The following COL23A1 variants were observed in gnomAD, a reference collection of about 807,000 sequenced individuals.
COL23A1 encodes the protein collagen type XXIII alpha 1 chain.
Under a neutral mutation model 99.3 loss-of-function variants are expected in COL23A1, and 97 were observed. That is an observed-to-expected ratio of 0.98 (90% CI 0.83 to 1.16). COL23A1 has a LOEUF of 1.16. Among genes scored for constraint, COL23A1 ranks in the 50% most tolerant of loss-of-function variants. The pLI is 0.00. For missense variants in COL23A1, 762 were observed against 757.4 expected, an observed-to-expected ratio of 1.01 and a Z score of -0.07; for synonymous variants, 320 against 308.2, an observed-to-expected ratio of 1.04 and a Z score of -0.40.
At position 178,281,861 on chromosome 5, in the gene COL23A1, G is replaced by A. The variant is rs2973767; in HGVS notation, c.441+6463C>T. On this transcript the variant is annotated intron_variant, in intron 5 of 28. Coordinates refer to ENST00000390654, the MANE Select transcript of COL23A1 (RefSeq NM_173465.4). This position sits in a 1 kb window ranked among gnomAD's most constrained non-coding sequence, Gnocchi z 4.0. ...GCTCAGGAGTTTGAGACCAGCCTGT[G>A]CAACATGGCAAAACCCTGTGTCTAT... 0.59 allele frequency among the ~76,000 whole-genome samples: 88,903 copies of A among 151,400 alleles called. 28,313 individuals are homozygous for A. The highest frequency in any genetic ancestry group is 0.74 in the Non-Finnish European group (49,902 of 67,830).
intron 2 of COL23A1, among the ~76,000 whole-genome samples, chr5:178,373,644 G>A (rs1465807606): frequency 6.6e-6 from 1 of 152,112 alleles, no homozygotes; most frequent in Admixed American, 6.5e-5. Context: ...ACAAACTCCT[G>A]ACCTCAGGTG....
At chr5:178,537,406 C>T (rs987678567) in intron 2 of COL23A1, among the ~76,000 whole-genome samples, 10 of 152,172 alleles carry the variant, frequency 6.6e-5, no homozygotes, top group Non-Finnish European at 1.2e-4. Flanking sequence ...AAACCGAGGC[C>T]GGGTGGGGCT....
At chr5:178,518,926 GGGCGGC>G in intron 2 of COL23A1, among the ~76,000 whole-genome samples, 1 of 93,390 alleles carries the variant, frequency 1.1e-5, no homozygotes, top group Admixed American at 1.1e-4. Context: ...CCCGGCGGTC[GGGCGGC>G]GGCGGCTGCG....
intron 5 of COL23A1, among the ~76,000 whole-genome samples, chr5:178,278,637 C>T (rs952824979): frequency 6.6e-6 from 1 of 152,092 alleles, no homozygotes; most frequent in Non-Finnish European, 1.5e-5. Context: ...TCTCTCCAGT[C>T]CTCCCACCCT....
At chr5:178,388,189 T>C (rs1763774371) in intron 2 of COL23A1, among the ~76,000 whole-genome samples, 1 of 152,196 alleles carries the variant, frequency 6.6e-6, no homozygotes, top group Admixed American at 6.5e-5. Context: ...ACTCCTGAAA[T>C]GTAAGTCTCC....
At chr5:178,249,798 C>G (rs1764933407) in intron 18 of COL23A1, among the ~76,000 whole-genome samples, 1 of 148,452 alleles carries the variant, frequency 6.7e-6, no homozygotes, top group South Asian at 2.1e-4. Context: ...TGGCTTTTCA[C>G]CACATGCCAG....
rs768327952 is a variant in COL23A1, at chr5:178,259,763, G to A, written c.703-16C>T. ...CAGGCTCACCCTGGGGGAGGCAATG[G>A]GGGGTTCAAGAGCAAGGTCAAAACC... On this transcript the variant is annotated splice_polypyrimidine_tract_variant and intron_variant, in intron 11 of 28. Coordinates refer to ENST00000390654, the MANE Select transcript of COL23A1 (RefSeq NM_173465.4). 5 of 1,601,232 alleles carry A rather than the reference G, an allele frequency of 3.1e-6. No homozygotes were observed. In the South Asian group the frequency reaches 3.4e-5, roughly 11 times the overall value.
chr5:178,566,517 T>C (rs1002841186), intron 1 of COL23A1, among the ~76,000 whole-genome samples: 5 of 152,274 alleles, frequency 3.3e-5, no homozygotes, highest in Non-Finnish European at 5.9e-5. Context: ...GGTGTTTTCA[T>C]TGAAAACTCT....
At chr5:178,267,182 G>A in intron 8 of COL23A1, 125 bp downstream of exon 8, 1 of 1,046,280 alleles carries the variant, frequency 9.6e-7, no homozygotes, top group Non-Finnish European at 1.5e-6. Flanking sequence ...GTGGGGAAGA[G>A]CCCTCTTGGC....
rs1758349225 is a variant in COL23A1, at chr5:178,306,317, G to GAA, written c.406+556_406+557dup. 4.1e-5 allele frequency among the ~76,000 whole-genome samples: 1 copy of GAA among 24,168 alleles called. No individual in the cohort carries two copies. Among genetic ancestry groups the GAA allele is most frequent in the Non-Finnish European group, 1.1e-4 (1 of 8,938 alleles). 15.9% of individuals were successfully genotyped at this position (24,168 alleles called of 152,430 possible). ...TAAGACGATGTCAGAGGGGCTTAGGGAAGTCCCTGGGCGAAGGGGGCAATC... is the reference window on the plus strand; with the variant it reads ...TAAGACGATGTCAGAGGGGCTTAGGGAAAAGTCCCTGGGCGAAGGGGGCAATC... On this transcript the variant is annotated intron_variant, in intron 3 of 28. Coordinates refer to ENST00000390654, the MANE Select transcript of COL23A1 (RefSeq NM_173465.4). This position sits in a 1 kb window ranked among gnomAD's most constrained non-coding sequence, Gnocchi z 4.1.
Position 178,384,614 on chromosome 5 carries a change from ACATGGGAAACCAAGGCT to A in COL23A1, c.362-77712_362-77696del, listed in dbSNP as rs1163146476. Among the ~76,000 whole-genome samples the A allele has an allele frequency of 6.6e-6, 1 of 152,154 alleles. No individual in the cohort carries two copies. The highest frequency in any genetic ancestry group is 2.4e-5 in the African/African-American group (1 of 41,436). On this transcript the variant is annotated intron_variant, in intron 2 of 28. Transcript: ENST00000390654. This position sits in a 1 kb window ranked among gnomAD's most constrained non-coding sequence, Gnocchi z 5.5. ...CTCCTGCCTCAGAGATCACGGTTTG[ACATGGGAAACCAAGGCT>A]CAGAGGGGGCAGGGCCGGGACTTGG...
rs1288034197 is a variant in COL23A1 at position 178,340,359 on chromosome 5, G to A, written c.362-33440C>T. ...TTGCTGGTGGCTCCAGCGCAGGAGGGGTAGAAGGGGAAATAAAAGCTGGTC... is the reference window on the plus strand; with the variant it reads ...TTGCTGGTGGCTCCAGCGCAGGAGGAGTAGAAGGGGAAATAAAAGCTGGTC... On this transcript the variant is annotated intron_variant, in intron 2 of 28. Transcript: ENST00000390654. This position sits in a 1 kb window ranked among gnomAD's most constrained non-coding sequence, Gnocchi z 4.7. Among the ~76,000 whole-genome samples the A allele has an allele frequency of 1.3e-5, 2 of 152,166 alleles. No individual in the cohort carries two copies. Among genetic ancestry groups the A allele is most frequent in the Non-Finnish European group, 2.9e-5 (2 of 68,020 alleles).
chr5:178,337,285 G>A (rs1050066495), intron 2 of COL23A1, among the ~76,000 whole-genome samples: 5 of 152,240 alleles, frequency 3.3e-5, no homozygotes, highest in African/African-American at 7.2e-5. Flanking sequence ...TTCCTGTCCC[G>A]GTGATCCCCG....
chr5:178,341,483 C>T (rs1355559301), intron 2 of COL23A1, among the ~76,000 whole-genome samples: 1 of 152,216 alleles, frequency 6.6e-6, no homozygotes, highest in African/African-American at 2.4e-5. Flanking sequence ...CTCTTCTGAC[C>T]TGAGCAAAGG....
At chr5:178,249,716 A>ACACACACACACACTCTCTCTCTCT in intron 18 of COL23A1, among the ~76,000 whole-genome samples, 3 of 92,752 alleles carry the variant, frequency 3.2e-5, no homozygotes, top group Non-Finnish European at 6.6e-5. Flanking sequence ...ACACACACAC[A>ACACACACACACACTCTCTCTCTCT]CTCTCTCTCT....
At chr5:178,323,464 C>T (rs1051817247) in intron 2 of COL23A1, among the ~76,000 whole-genome samples, 1 of 152,168 alleles carries the variant, frequency 6.6e-6, no homozygotes, top group Non-Finnish European at 1.5e-5. Context: ...TCTCCCCAGA[C>T]ACAAGCAGTC....
Position 178,307,974 on chromosome 5 carries a change from C to T in COL23A1, c.362-1055G>A, listed in dbSNP as rs1035334111. Among the ~76,000 whole-genome samples the T allele has an allele frequency of 1.1e-4, 16 of 151,982 alleles. No individual in the cohort carries two copies. Among genetic ancestry groups the T allele is most frequent in the African/African-American group, 3.6e-4 (15 of 41,306 alleles). ...AGATGCAGGAGACTGGCCCCGATCGCGTCTGTGGCAGGATGGAAAAATGAG... is the reference window on the plus strand; with the variant it reads ...AGATGCAGGAGACTGGCCCCGATCGTGTCTGTGGCAGGATGGAAAAATGAG... On this transcript the variant is annotated intron_variant, in intron 2 of 28. Coordinates refer to ENST00000390654, the MANE Select transcript of COL23A1 (RefSeq NM_173465.4). This position sits in a 1 kb window ranked among gnomAD's most constrained non-coding sequence, Gnocchi z 4.2.
intron 2 of COL23A1, among the ~76,000 whole-genome samples, chr5:178,497,147 C>T (rs1002692113): frequency 1.8e-4 from 27 of 152,152 alleles, no homozygotes; most frequent in African/African-American, 6.3e-4. Context: ...CCAAAAGAAG[C>T]AAATGGTTTG....
At chr5:178,543,967 G>A (rs1406518838) in intron 2 of COL23A1, among the ~76,000 whole-genome samples, 3 of 152,022 alleles carry the variant, frequency 2.0e-5, no homozygotes, top group African/African-American at 4.8e-5. Context: ...TCGTAGGGGT[G>A]AAAAAGCTCC....
Sources: gnomAD v4.1 joint callset for allele counts (sites outside exome capture counted in the v4.1 genomes callset) on GRCh38, gnomAD v4.1.1 for gene constraint, Gnocchi (gnomAD v3.1) non-coding constraint, MANE v1.5 for transcripts, NCBI Gene and HGNC (gene_info 2026-07-23, HGNC 2026-07-21) for gene names.